The following EHBP1 variants were observed in gnomAD, a reference collection of about 807,000 sequenced individuals.
The protein encoded by EHBP1 is EH domain-binding protein 1.
In EHBP1, 55 loss-of-function variants were observed where a neutral mutation model predicts 144.0. The observed-to-expected ratio is 0.38, with a 90% confidence interval of 0.31 to 0.48. The LOEUF is 0.48. Among genes scored for constraint, EHBP1 ranks in the 20% least tolerant of loss-of-function variants. The probability of loss-of-function intolerance (pLI) is 0.98; values close to 1 mark genes in which losing one functional copy is unlikely to be tolerated. For synonymous variants in EHBP1, 469 were observed against 472.7 expected, an observed-to-expected ratio of 0.99 and a Z score of 0.10; for missense variants, 1,200 against 1,364.2, an observed-to-expected ratio of 0.88 and a Z score of 1.90.
At chr2:62,807,180 C>T (rs1467687348) in intron 5 of EHBP1, among the ~76,000 whole-genome samples, 2 of 152,194 alleles carry the variant, frequency 1.3e-5, no homozygotes, top group African/African-American at 2.4e-5. Context: ...ACAACATACG[C>T]ATAACAATAC....
chr2:62,906,956 G>A (rs2053857337), intron 10 of EHBP1, among the ~76,000 whole-genome samples: 1 of 152,108 alleles, frequency 6.6e-6, no homozygotes, highest in Admixed American at 6.6e-5. Flanking sequence ...ATTCATCTGG[G>A]TTTCGCATGT....
intron 7 of EHBP1, among the ~76,000 whole-genome samples, chr2:62,841,352 A>T (rs1450937532): frequency 1.4e-5 from 1 of 70,008 alleles, no homozygotes; most frequent in Non-Finnish European, 2.6e-5. Flanking sequence ...GGGTGGGGGG[A>T]GGGGGGAGGG....
chr2:62,826,502 G>A (rs1244491459), intron 6 of EHBP1: 4 of 349,310 alleles, frequency 1.1e-5, no homozygotes, highest in African/African-American at 6.4e-5. Flanking sequence ...AATTTAAATT[G>A]TATATTTTAG....
chr2:62,820,410 C>G (rs780418771), intron 5 of EHBP1, among the ~76,000 whole-genome samples: 1 of 151,604 alleles, frequency 6.6e-6, no homozygotes, highest in African/African-American at 2.4e-5. Flanking sequence ...GTGTACAATT[C>G]AGTGCCATTG....
intron 10 of EHBP1, among the ~76,000 whole-genome samples, chr2:62,920,735 T>C (rs1169849967): frequency 2.0e-5 from 3 of 152,284 alleles, no homozygotes; most frequent in Middle Eastern, 3.4e-3. Context: ...TGATTTCTGC[T>C]CACTGCAACC....
intron 7 of EHBP1, among the ~76,000 whole-genome samples, chr2:62,849,793 G>A (rs1434956307): frequency 6.6e-6 from 1 of 152,152 alleles, no homozygotes; most frequent in Non-Finnish European, 1.5e-5. Context: ...TGACATAGTA[G>A]CACAGCTGTT....
At chr2:62,793,181 G>C (rs1357765721) in intron 5 of EHBP1, among the ~76,000 whole-genome samples, 1 of 152,000 alleles carries the variant, frequency 6.6e-6, no homozygotes, top group Non-Finnish European at 1.5e-5. Context: ...TTTAAAAGAT[G>C]CCTTATGCCT....
chr2:62,687,648 T>G (rs1021486801), intron 1 of EHBP1, among the ~76,000 whole-genome samples: 3 of 152,218 alleles, frequency 2.0e-5, no homozygotes, highest in African/African-American at 4.8e-5. Flanking sequence ...CCAATTTTTT[T>G]TGTGGATTGA....
chr2:62,846,623 A>G (rs576493549), intron 7 of EHBP1, among the ~76,000 whole-genome samples: 1 of 152,322 alleles, frequency 6.6e-6, no homozygotes, highest in African/African-American at 2.4e-5. Flanking sequence ...ATTATATTTG[A>G]AGTTCTACCA....
In EHBP1 at chr2:62,759,685, T is replaced by G. The variant is rs537959517; in HGVS notation, c.163-4581T>G. Among the ~76,000 whole-genome samples, 3 of 152,282 alleles carry G rather than the reference T, an allele frequency of 2.0e-5. No homozygotes were observed. In the East Asian group the frequency reaches 5.8e-4, roughly 29 times the overall value. On this transcript the variant is annotated intron_variant, in intron 3 of 22. Transcript: ENST00000431489. ...TCTCAAAGTGCTGGAATTATAGGCA[T>G]GAGCCACCGTGCCCAGCCAGTGGTG...
intron 19 of EHBP1, among the ~76,000 whole-genome samples, chr2:63,003,967 T>C (rs995482298): frequency 1.3e-5 from 2 of 152,118 alleles, no homozygotes; most frequent in African/African-American, 4.8e-5. Flanking sequence ...TTGTAGTCTT[T>C]TAGAAATTAT....
intron 7 of EHBP1, among the ~76,000 whole-genome samples, chr2:62,855,918 G>T (rs547632966): frequency 7.2e-5 from 11 of 152,294 alleles, no homozygotes; most frequent in African/African-American, 2.6e-4. Context: ...CGGTCTCTCT[G>T]CTGAGAGCTG....
intron 5 of EHBP1, among the ~76,000 whole-genome samples, chr2:62,782,202 T>C (rs1204757666): frequency 6.6e-6 from 1 of 152,186 alleles, no homozygotes; most frequent in Non-Finnish European, 1.5e-5. Flanking sequence ...TCCACTCAGA[T>C]ATTAATTTTG....
At chr2:62,688,929 T>G (rs1484471057) in intron 1 of EHBP1, among the ~76,000 whole-genome samples, 1 of 152,214 alleles carries the variant, frequency 6.6e-6, no homozygotes, top group Non-Finnish European at 1.5e-5. Flanking sequence ...ATGACTCTTC[T>G]GGCTTTGCTT....
At chr2:62,981,915 C>G (rs539380225) in intron 15 of EHBP1, among the ~76,000 whole-genome samples, 3 of 152,188 alleles carry the variant, frequency 2.0e-5, no homozygotes, top group African/African-American at 7.2e-5. Context: ...CTATTTTCCC[C>G]ATAGGACACA....
intron 8 of EHBP1, among the ~76,000 whole-genome samples, chr2:62,863,203 T>C (rs2049732832): frequency 6.6e-6 from 1 of 152,102 alleles, no homozygotes; most frequent in African/African-American, 2.4e-5. Context: ...GAAATTCGCT[T>C]GAACTGGGGA....
At position 62,731,184 on chromosome 2, in the gene EHBP1, TTAAATTCCAATTCCAATTGG is replaced by T. The variant is rs1257784256; in HGVS notation, c.105-16198_105-16179del. On this transcript the variant is annotated intron_variant, in intron 2 of 22. Transcript: ENST00000431489. The stretch of plus-strand genomic sequence containing the variant: ...GCTAATATAAATGGTATTCCTGTTT[TTAAATTCCAATTCCAATTGG>T]TAAATTCCAATTGTTCATTGCTGAT... 1.3e-3 allele frequency among the ~76,000 whole-genome samples: 201 copies of T among 152,222 alleles called. 2 individuals are homozygous for T. The highest frequency in any genetic ancestry group is 3.4e-3 in the Middle Eastern group (1 of 294).
intron 7 of EHBP1, among the ~76,000 whole-genome samples, chr2:62,832,270 T>C (rs912582927): frequency 6.6e-6 from 1 of 151,996 alleles, no homozygotes; most frequent in African/African-American, 2.4e-5. Context: ...ATTATTGAGG[T>C]TTTTTATTTG....
intron 3 of EHBP1, among the ~76,000 whole-genome samples, chr2:62,749,114 C>G (rs1429202069): frequency 1.3e-5 from 2 of 152,118 alleles, no homozygotes; most frequent in Non-Finnish European, 2.9e-5. Flanking sequence ...AGGTATATCT[C>G]CTAATGCTAT....
Sources: allele counts gnomAD v4.1 joint callset (sites outside exome capture counted in the v4.1 genomes callset), GRCh38; gene constraint gnomAD v4.1.1; transcripts MANE v1.5; gene names NCBI Gene and HGNC (gene_info 2026-07-23, HGNC 2026-07-21).